Variants in EFNA5 observed in about 807,000 individuals in gnomAD.
EFNA5 encodes ephrin-A5.
EFNA5 carries 5 observed loss-of-function variants against 22.9 expected under a neutral mutation model. The ratio of observed to expected loss-of-function variants is 0.22; its 90% CI spans 0.11 to 0.46. The LOEUF is 0.46. Ranked by LOEUF, EFNA5 falls within the 20% of genes least tolerant of loss-of-function variation. The pLI is 0.99. For synonymous variants in EFNA5, 113 were observed against 112.2 expected, an observed-to-expected ratio of 1.01 and a Z score of -0.04; for missense variants, 237 against 293.3, an observed-to-expected ratio of 0.81 and a Z score of 1.40.
intron 1 of EFNA5, among the ~76,000 whole-genome samples, chr5:107,659,515 T>TA (rs1217088968): frequency 2.1e-5 from 3 of 144,624 alleles, no homozygotes; most frequent in Non-Finnish European, 4.6e-5. Flanking sequence ...TTTTTTTTTT[T>TA]AGTTTCCTTT....
intron 1 of EFNA5, among the ~76,000 whole-genome samples, chr5:107,652,594 A>T (rs569029443): frequency 2.0e-5 from 3 of 152,238 alleles, no homozygotes; most frequent in Non-Finnish European, 4.4e-5. Context: ...AGAAGACTAC[A>T]AATTTAAAAG....
chr5:107,419,997 T>C (rs534885650), intron 2 of EFNA5, among the ~76,000 whole-genome samples: 3 of 152,278 alleles, frequency 2.0e-5, no homozygotes, highest in Non-Finnish European at 4.4e-5. Context: ...TTGATAATTG[T>C]GCCATTTTGA....
chr5:107,639,191 T>C (rs1750449075), intron 1 of EFNA5, among the ~76,000 whole-genome samples: 1 of 152,134 alleles, frequency 6.6e-6, no homozygotes, highest in Non-Finnish European at 1.5e-5. Flanking sequence ...AATTTTAAAA[T>C]GGGGGGTTAT....
intron 1 of EFNA5, among the ~76,000 whole-genome samples, chr5:107,431,096 TAGC>T (rs375365203): frequency 2.6e-4 from 39 of 152,300 alleles, no homozygotes; most frequent in African/African-American, 6.7e-4. Flanking sequence ...TCTACCCTTT[TAGC>T]AGCCATACGA....
intron 2 of EFNA5, among the ~76,000 whole-genome samples, chr5:107,388,022 T>C (rs1747681627): frequency 6.6e-6 from 1 of 152,230 alleles, no homozygotes; most frequent in Non-Finnish European, 1.5e-5. Flanking sequence ...GAGTAATCTG[T>C]GAAGAAATAC....
intron 2 of EFNA5, among the ~76,000 whole-genome samples, chr5:107,397,492 G>C (rs1747959915): frequency 6.6e-6 from 1 of 151,380 alleles, no homozygotes; most frequent in Non-Finnish European, 1.5e-5. Flanking sequence ...AGGTTGCAGT[G>C]AGCAAAGATC....
At position 107,376,944 on chromosome 5, in the gene EFNA5, C is replaced by T. The variant is rs1246827502; in HGVS notation, c.*4311G>A. The T allele has an allele frequency of 3.3e-5, 5 of 150,272 alleles. No homozygotes were observed. The highest frequency in any genetic ancestry group is 7.3e-5 in the African/African-American group (3 of 40,934). The allele number at this position is 150,272 out of a possible 1,614,324, so 9.3% of individuals were successfully genotyped here. A position where few individuals can be genotyped will look rare whatever the true frequency, so the allele number is the denominator to read the frequency against. ...TTATTTAGTTATACTTGTACGGACACGTGTATATACAAATACAGATCGTAT... is the reference window on the plus strand; with the variant it reads ...TTATTTAGTTATACTTGTACGGACATGTGTATATACAAATACAGATCGTAT... On this transcript the variant is annotated 3_prime_UTR_variant, in exon 5 of 5. Coordinates refer to ENST00000333274, the MANE Select transcript of EFNA5 (RefSeq NM_001962.3).
intron 1 of EFNA5, among the ~76,000 whole-genome samples, chr5:107,570,212 A>T (rs1339398660): frequency 6.6e-6 from 1 of 152,232 alleles, no homozygotes; most frequent in East Asian, 1.9e-4. Flanking sequence ...CCGTAATTAC[A>T]TAGAGAACCA....
chr5:107,663,296 A>G (rs900009041), intron 1 of EFNA5, among the ~76,000 whole-genome samples: 3 of 152,128 alleles, frequency 2.0e-5, no homozygotes, highest in Non-Finnish European at 4.4e-5. Flanking sequence ...GCACTTAATC[A>G]TATTTTTTCT....
chr5:107,645,334 T>G (rs1421844127), intron 1 of EFNA5, among the ~76,000 whole-genome samples: 2 of 152,258 alleles, frequency 1.3e-5, no homozygotes, highest in Non-Finnish European at 2.9e-5. Context: ...ACTGTTCACC[T>G]GTATTTTATC....
chr5:107,391,824 G>A (rs1034416056), intron 2 of EFNA5, among the ~76,000 whole-genome samples: 1 of 152,118 alleles, frequency 6.6e-6, no homozygotes, highest in Admixed American at 6.6e-5. Context: ...AACACATAAT[G>A]AAATACAAGC....
At chr5:107,605,496 C>T (rs541539023) in intron 1 of EFNA5, among the ~76,000 whole-genome samples, 19 of 152,198 alleles carry the variant, frequency 1.2e-4, no homozygotes, top group Middle Eastern at 3.4e-3. Flanking sequence ...CCTGAGCTAC[C>T]TAGAGATTTA....
intron 1 of EFNA5, among the ~76,000 whole-genome samples, chr5:107,521,540 G>A (rs961856744): frequency 2.0e-5 from 3 of 147,852 alleles, no homozygotes; most frequent in Non-Finnish European, 4.4e-5. Context: ...TAAACTCCTA[G>A]GCTCAAACAA....
At chr5:107,509,898 T>A (rs112668215) in intron 1 of EFNA5, among the ~76,000 whole-genome samples, 2 of 152,330 alleles carry the variant, frequency 1.3e-5, no homozygotes, top group African/African-American at 4.8e-5. Flanking sequence ...TGGAAATGAT[T>A]ACGCCATTAG....
intron 1 of EFNA5, among the ~76,000 whole-genome samples, chr5:107,555,642 T>G (rs1748394313): frequency 6.6e-6 from 1 of 152,210 alleles, no homozygotes; most frequent in Non-Finnish European, 1.5e-5. Context: ...GGATAATAGC[T>G]TAAAGTTAGA....
chr5:107,516,254 G>T (rs1747478614), intron 1 of EFNA5, among the ~76,000 whole-genome samples: 2 of 150,914 alleles, frequency 1.3e-5, no homozygotes, highest in African/African-American at 4.9e-5. Context: ...GCCTAGGCTG[G>T]TGGCAAACCC....
intron 2 of EFNA5, among the ~76,000 whole-genome samples, chr5:107,393,303 C>A (rs1298059756): frequency 1.3e-5 from 2 of 152,190 alleles, no homozygotes; most frequent in Non-Finnish European, 1.5e-5. Context: ...TCAAACAACT[C>A]AAAAGTTCCC....
Position 107,479,054 on chromosome 5 carries a change from C to G in EFNA5, c.126-51545G>C, listed in dbSNP as rs575378181. Among the ~76,000 whole-genome samples the G allele has an allele frequency of 3.9e-5, 6 of 152,258 alleles. No individual in the cohort carries two copies. In the South Asian group the frequency reaches 1.0e-3, roughly 26 times the overall value. On this transcript the variant is annotated intron_variant, in intron 1 of 4. Transcript: ENST00000333274. Reference sequence around the variant, plus strand: ...AGATTAAAAAATAATCTGTAAATGACAGAGTCTGGAATGACATTATGAATA... The same window carrying G: ...AGATTAAAAAATAATCTGTAAATGAGAGAGTCTGGAATGACATTATGAATA...
intron 1 of EFNA5, among the ~76,000 whole-genome samples, chr5:107,553,466 A>G (rs1346556737): frequency 1.3e-5 from 2 of 152,208 alleles, no homozygotes. Context: ...CACGCCAGGG[A>G]AGGCAAACCC....
Sources: allele counts gnomAD v4.1 joint callset (sites outside exome capture counted in the v4.1 genomes callset), GRCh38; gene constraint gnomAD v4.1.1; transcripts MANE v1.5; gene names NCBI Gene and HGNC (gene_info 2026-07-23, HGNC 2026-07-21).